NKAIN2: variants seen among roughly 807,000 people sequenced by gnomAD.
NKAIN2 encodes sodium/potassium-transporting ATPase subunit beta-1-interacting protein 2.
A neutral mutation model predicts 32.6 loss-of-function variants in NKAIN2; 14 were observed. That is an observed-to-expected ratio of 0.43 (90% CI 0.28 to 0.67). The LOEUF is 0.67. NKAIN2 is among the 30% of genes least tolerant of loss of function. The pLI, the probability that NKAIN2 is intolerant of heterozygous loss-of-function variation, is 0.17. For synonymous variants in NKAIN2, 80 were observed against 87.2 expected (o/e 0.92, Z 0.46); for missense variants, 198 against 258.3 (o/e 0.77, Z 1.60).
chr6:124,713,110 A>G (rs986225592), intron 4 of NKAIN2, among the ~76,000 whole-genome samples: 6 of 152,308 alleles, frequency 3.9e-5, no homozygotes, highest in African/African-American at 1.4e-4. Flanking sequence ...TGTTGCCTAC[A>G]TATAAAGCAC....
intron 3 of NKAIN2, among the ~76,000 whole-genome samples, chr6:124,584,601 C>T (rs866211345): frequency 3.4e-5 from 5 of 147,396 alleles, no homozygotes; most frequent in Admixed American, 6.9e-5. Flanking sequence ...TGCAGTGAGC[C>T]GAGATCGTGT....
At chr6:124,267,442 G>A (rs1294863141) in intron 1 of NKAIN2, among the ~76,000 whole-genome samples, 4 of 140,076 alleles carry the variant, frequency 2.9e-5, no homozygotes, top group African/African-American at 5.5e-5. Flanking sequence ...TCAGGAGTTC[G>A]AGACCAGCGT....
At chr6:124,452,114 G>GCACTCT (rs1776131473) in intron 3 of NKAIN2, among the ~76,000 whole-genome samples, 1 of 151,344 alleles carries the variant, frequency 6.6e-6, no homozygotes, top group African/African-American at 2.4e-5. Flanking sequence ...AGGACCACTT[G>GCACTCT]AGCCTGGGAG....
chr6:124,381,752 T>C (rs949061331), intron 3 of NKAIN2, among the ~76,000 whole-genome samples: 3 of 152,212 alleles, frequency 2.0e-5, no homozygotes, highest in African/African-American at 7.2e-5. Flanking sequence ...AAGTTTCTTG[T>C]ATTCTTTAAT....
chr6:124,690,420 C>T (rs1023608073), intron 4 of NKAIN2, among the ~76,000 whole-genome samples: 3 of 152,100 alleles, frequency 2.0e-5, no homozygotes, highest in African/African-American at 7.2e-5. Context: ...TCTCAATCAG[C>T]ATACCTTCAG....
intron 1 of NKAIN2, among the ~76,000 whole-genome samples, chr6:124,207,407 A>G (rs1790948167): frequency 6.6e-6 from 1 of 150,708 alleles, no homozygotes; most frequent in Non-Finnish European, 1.5e-5. Context: ...TACTTTCTAA[A>G]TTTTGTTTGT....
At chr6:123,976,397 A>C (rs1292855380) in intron 1 of NKAIN2, among the ~76,000 whole-genome samples, 1 of 55,278 alleles carries the variant, frequency 1.8e-5, no homozygotes, top group African/African-American at 6.5e-5. Flanking sequence ...ATATATATAT[A>C]TATATATATA....
chr6:124,385,028 G>T (rs760031722), intron 3 of NKAIN2, among the ~76,000 whole-genome samples: 30 of 152,044 alleles, frequency 2.0e-4, no homozygotes, highest in Non-Finnish European at 3.5e-4. Context: ...TTTCACTTTT[G>T]CTGACCATTT....
intron 1 of NKAIN2, among the ~76,000 whole-genome samples, chr6:124,029,780 T>C (rs234483): frequency 0.26 from 40,236 of 151,930 alleles, 5,558 homozygotes; most frequent in East Asian, 0.35. Flanking sequence ...CGAAGCTTTA[T>C]CTGTATTTAC....
At chr6:123,860,947 A>G (rs1282782393) in intron 1 of NKAIN2, among the ~76,000 whole-genome samples, 1 of 152,124 alleles carries the variant, frequency 6.6e-6, no homozygotes, top group Non-Finnish European at 1.5e-5. Flanking sequence ...GTGCCCAGGT[A>G]TCTTCCCAAC....
intron 1 of NKAIN2, among the ~76,000 whole-genome samples, chr6:124,225,884 G>A (rs899261518): frequency 6.6e-6 from 1 of 151,920 alleles, no homozygotes. Context: ...AGTGGCATGA[G>A]GTATATAGTA....
At chr6:124,075,553 A>G (rs1783656878) in intron 1 of NKAIN2, among the ~76,000 whole-genome samples, 1 of 152,180 alleles carries the variant, frequency 6.6e-6, no homozygotes, top group South Asian at 2.1e-4. Flanking sequence ...ATGATATGTC[A>G]TACATTGCTT....
intron 1 of NKAIN2, among the ~76,000 whole-genome samples, chr6:123,839,358 A>T (rs1474215855): frequency 6.6e-6 from 1 of 152,086 alleles, no homozygotes; most frequent in Non-Finnish European, 1.5e-5. Context: ...TAGTCTCCTC[A>T]TCTGTAAAAG....
At chr6:123,866,835 T>C (rs1772546374) in intron 1 of NKAIN2, among the ~76,000 whole-genome samples, 1 of 152,194 alleles carries the variant, frequency 6.6e-6, no homozygotes, top group Non-Finnish European at 1.5e-5. Flanking sequence ...CTTTCTCTTA[T>C]TTGCTCTCCC....
chr6:124,689,106 T>C (rs1774136186), intron 4 of NKAIN2, among the ~76,000 whole-genome samples: 1 of 152,112 alleles, frequency 6.6e-6, no homozygotes, highest in African/African-American at 2.4e-5. Flanking sequence ...CAATAGATGA[T>C]AGTTCCTCTT....
At chr6:124,355,477 A>G (rs1798929193) in intron 3 of NKAIN2, 130 bp downstream of exon 3, 2 of 617,078 alleles carry the variant, frequency 3.2e-6, no homozygotes, top group East Asian at 2.7e-5. Flanking sequence ...AGGTGTCTTG[A>G]TTTATATTTC....
At chr6:124,697,246 G>A (rs762455162) in intron 4 of NKAIN2, among the ~76,000 whole-genome samples, 6 of 152,076 alleles carry the variant, frequency 3.9e-5, no homozygotes, top group Non-Finnish European at 7.4e-5. Flanking sequence ...TAATGAATAT[G>A]ACAACAGTAG....
At chr6:124,622,858 TCTC>T (rs1390524364) in intron 3 of NKAIN2, among the ~76,000 whole-genome samples, 2 of 152,124 alleles carry the variant, frequency 1.3e-5, no homozygotes, top group African/African-American at 2.4e-5. Flanking sequence ...GCTTATCTCA[TCTC>T]CTCATCTGCT....
At chr6:124,752,639 A>G (rs928394045) in intron 4 of NKAIN2, among the ~76,000 whole-genome samples, 2 of 152,102 alleles carry the variant, frequency 1.3e-5, no homozygotes, top group Non-Finnish European at 2.9e-5. Flanking sequence ...TCCCACAATT[A>G]TCTGGTTATT....
Sources: allele counts gnomAD v4.1 joint callset (sites outside exome capture counted in the v4.1 genomes callset), GRCh38; gene constraint gnomAD v4.1.1; transcripts MANE v1.5; gene names NCBI Gene and HGNC (gene_info 2026-07-23, HGNC 2026-07-21).